HECTD2: variants seen among roughly 807,000 people sequenced by gnomAD.
The protein encoded by HECTD2 is probable E3 ubiquitin-protein ligase HECTD2.
HECTD2 carries 35 observed loss-of-function variants against 103.2 expected under a neutral mutation model. That is an observed-to-expected ratio of 0.34 (90% CI 0.26 to 0.45). HECTD2 has a LOEUF of 0.45. HECTD2 is among the 20% of genes least tolerant of loss of function. The pLI is 1.00. For synonymous variants in HECTD2, 281 were observed against 329.9 expected, an observed-to-expected ratio of 0.85 and a Z score of 1.61; for missense variants, 596 against 937.4, an observed-to-expected ratio of 0.64 and a Z score of 4.76.
At chr10:91,455,323 G>A (rs1479728244) in intron 2 of HECTD2, among the ~76,000 whole-genome samples, 2 of 152,168 alleles carry the variant, frequency 1.3e-5, no homozygotes, top group Admixed American at 1.3e-4. Flanking sequence ...GATGGCCAAT[G>A]ATGATGAGCA....
Position 91,478,196 on chromosome 10 carries a change from T to C in HECTD2, c.601-5T>C. 1 of 1,602,884 alleles carries C rather than the reference T, an allele frequency of 6.2e-7. No homozygotes were observed. Among genetic ancestry groups the C allele is most frequent in the South Asian group, 1.1e-5 (1 of 90,522 alleles). ...AATTACCTTACTGTTTTCTTTTGCC[T>C]ACAGCCTCAAGACGTTCAGAAGACA... On this transcript the variant is annotated splice_region_variant and splice_polypyrimidine_tract_variant and intron_variant, in intron 5 of 20. Transcript: ENST00000298068.
chr10:91,418,709 C>T (rs1388215924), intron 1 of HECTD2, among the ~76,000 whole-genome samples: 1 of 151,914 alleles, frequency 6.6e-6, no homozygotes, highest in East Asian at 1.9e-4. Context: ...ATATCTTTAC[C>T]CAGGATCAAG....
At chr10:91,501,721 T>G (rs1334915198) in intron 20 of HECTD2, among the ~76,000 whole-genome samples, 1 of 151,978 alleles carries the variant, frequency 6.6e-6, no homozygotes, top group Non-Finnish European at 1.5e-5. Flanking sequence ...TTCTTTCTTT[T>G]CTAGGGGGTT....
intron 2 of HECTD2, among the ~76,000 whole-genome samples, chr10:91,427,143 T>C (rs917150591): frequency 1.3e-5 from 2 of 151,314 alleles, no homozygotes; most frequent in Non-Finnish European, 2.9e-5. Context: ...GAATGATGAT[T>C]TCCAATTTCA....
chr10:91,506,394 AAAAG>A (rs1179391108), intron 20 of HECTD2, among the ~76,000 whole-genome samples: 4 of 151,934 alleles, frequency 2.6e-5, no homozygotes, highest in Admixed American at 6.5e-5. Flanking sequence ...AATAAAGAAA[AAAAG>A]AGAGAAGAAT....
In HECTD2 at chr10:91,478,120, C is replaced by T. The variant is rs1845972987; in HGVS notation, c.601-81C>T. ...TCAAGTCTGATTTTAACTATTGAAACAGATCTGTAAATATAATTAACATAT... is the reference window on the plus strand; with the variant it reads ...TCAAGTCTGATTTTAACTATTGAAATAGATCTGTAAATATAATTAACATAT... On this transcript the variant is annotated intron_variant, in intron 5 of 20. Transcript: ENST00000298068. The T allele has an allele frequency of 2.6e-5, 24 of 909,316 alleles. No homozygotes were observed. In the South Asian group the frequency reaches 3.4e-4, roughly 13 times the overall value. The allele number at this position is 909,316 out of a possible 1,614,324, so 56.3% of individuals were successfully genotyped here.
At chr10:91,413,254 G>C (rs1842994633) in intron 1 of HECTD2, among the ~76,000 whole-genome samples, 1 of 152,140 alleles carries the variant, frequency 6.6e-6, no homozygotes, top group Non-Finnish European at 1.5e-5. Flanking sequence ...TTACAGAAAG[G>C]TACAGGGGTG....
At chr10:91,410,793 A>G (rs1205380735) in intron 1 of HECTD2, among the ~76,000 whole-genome samples, 1 of 152,040 alleles carries the variant, frequency 6.6e-6, no homozygotes, top group Non-Finnish European at 1.5e-5. Context: ...CACCCTCGGG[A>G]AATGTTGGGG....
At chr10:91,430,939 T>C (rs984756774) in intron 2 of HECTD2, among the ~76,000 whole-genome samples, 7 of 151,572 alleles carry the variant, frequency 4.6e-5, no homozygotes, top group African/African-American at 1.5e-4. Context: ...TAGCTGGTTA[T>C]TTTGCTCGTT....
chr10:91,441,908 C>CT (rs1475951990), intron 2 of HECTD2, among the ~76,000 whole-genome samples: 1,974 of 47,296 alleles, frequency 0.042, 54 homozygotes, highest in African/African-American at 0.094. Context: ...TTTTTTTTTT[C>CT]TTTTTTTTTT....
chr10:91,409,602 A>G (rs1463927732), upstream of HECTD2, among the ~76,000 whole-genome samples: 3 of 151,820 alleles, frequency 2.0e-5, no homozygotes, highest in Non-Finnish European at 4.4e-5. Context: ...GTCCAATCCT[A>G]TGGGGGAAGG....
chr10:91,485,985 G>A (rs1846253232), intron 10 of HECTD2: 2 of 152,000 alleles, frequency 1.3e-5, no homozygotes, highest in South Asian at 4.1e-4. Context: ...TTAATACACT[G>A]CACTTTATAT....
chr10:91,484,304 A>C, intron 8 of HECTD2: 1 of 1,186,022 alleles, frequency 8.4e-7, no homozygotes, highest in Non-Finnish European at 1.2e-6. Context: ...CTTTATAGTA[A>C]TTTTGGTGTT....
chr10:91,460,677 C>T, intron 3 of HECTD2, 112 bp downstream of exon 3: 1 of 981,534 alleles, frequency 1.0e-6, no homozygotes, highest in South Asian at 2.8e-5. Context: ...AGATATTAGC[C>T]AAGAGGACCT....
At chr10:91,492,325 C>T (rs903015954) in intron 12 of HECTD2, 27 bp from the exon 13 acceptor site, 2 of 1,600,068 alleles carry the variant, frequency 1.2e-6, no homozygotes, top group East Asian at 2.2e-5. Flanking sequence ...TCTTTGTTCT[C>T]CTCTACTGTA....
At chr10:91,416,981 A>G (rs986391625) in intron 1 of HECTD2, among the ~76,000 whole-genome samples, 2 of 152,236 alleles carry the variant, frequency 1.3e-5, no homozygotes, top group African/African-American at 4.8e-5. Flanking sequence ...AAAGGTGTAC[A>G]GATACTATTG....
chr10:91,511,915 G>A (rs994982384), intron 20 of HECTD2, among the ~76,000 whole-genome samples: 1 of 152,140 alleles, frequency 6.6e-6, no homozygotes, highest in Non-Finnish European at 1.5e-5. Context: ...GAGGAAACTG[G>A]GATTTGGGGA....
intron 20 of HECTD2, among the ~76,000 whole-genome samples, chr10:91,509,008 G>GTAAAC (rs1035614097): frequency 3.3e-5 from 5 of 149,636 alleles, no homozygotes; most frequent in African/African-American, 9.9e-5. Context: ...ATCATTCTCA[G>GTAAAC]TAAACTATCG....
intron 5 of HECTD2, among the ~76,000 whole-genome samples, chr10:91,471,811 A>T (rs1474493098): frequency 1.3e-5 from 2 of 152,174 alleles, no homozygotes; most frequent in Non-Finnish European, 2.9e-5. Flanking sequence ...AAAATTACAG[A>T]TGAACAAACA....
Sources: allele counts gnomAD v4.1 joint callset (sites outside exome capture counted in the v4.1 genomes callset), GRCh38; gene constraint gnomAD v4.1.1; transcripts MANE v1.5; gene names NCBI Gene and HGNC (gene_info 2026-07-23, HGNC 2026-07-21).